ITPKB: variants seen among roughly 807,000 people sequenced by gnomAD.
ITPKB encodes the protein IP3 3-kinase B.
Under a neutral mutation model 69.4 loss-of-function variants are expected in ITPKB, and 13 were observed. The observed-to-expected ratio is 0.19, with a 90% CI of 0.12 to 0.30. The LOEUF (loss-of-function observed/expected upper bound fraction) is 0.30. Among genes scored for constraint, ITPKB ranks in the 10% least tolerant of loss-of-function variants. The pLI is 1.00. For missense variants in ITPKB, 1,240 were observed against 1,250.5 expected (o/e 0.99, Z 0.13); for synonymous variants, 584 against 513.7 (o/e 1.14, Z -1.85).
intron 2 of ITPKB, chr1:226,707,281 C>T (rs1402597340): frequency 6.1e-5 from 13 of 212,986 alleles, no homozygotes; most frequent in South Asian, 3.4e-4. Context: ...CCGCAACCTC[C>T]GCCTCTCAGG....
chr1:226,680,782 C>G (rs1656068825), intron 2 of ITPKB, among the ~76,000 whole-genome samples: 1 of 152,174 alleles, frequency 6.6e-6, no homozygotes, highest in South Asian at 2.1e-4. Flanking sequence ...CACCAGGATT[C>G]ATAAAGCCCT....
chr1:226,683,182 A>T (rs1281875233), intron 2 of ITPKB, among the ~76,000 whole-genome samples: 1 of 152,240 alleles, frequency 6.6e-6, no homozygotes. Flanking sequence ...CAACTGTCCC[A>T]AGGCAGAGAG....
intron 2 of ITPKB, among the ~76,000 whole-genome samples, chr1:226,727,996 T>C (rs1185907172): frequency 2.0e-5 from 3 of 152,138 alleles, no homozygotes. Context: ...GCAGTGAGCT[T>C]CACGAGGAAG....
intron 2 of ITPKB, among the ~76,000 whole-genome samples, chr1:226,668,373 C>T (rs1403013280): frequency 6.6e-6 from 1 of 152,218 alleles, no homozygotes; most frequent in Admixed American, 6.5e-5. Context: ...ATCAGTGGCA[C>T]TCACTTTGGG....
chr1:226,651,805 T>A (rs956207137), intron 2 of ITPKB, among the ~76,000 whole-genome samples: 2 of 151,482 alleles, frequency 1.3e-5, no homozygotes, highest in African/African-American at 4.9e-5. Flanking sequence ...AGGGTGGGGG[T>A]CTTCTGACAG....
At chr1:226,699,435 T>C (rs1656580398) in intron 2 of ITPKB, among the ~76,000 whole-genome samples, 1 of 152,250 alleles carries the variant, frequency 6.6e-6, no homozygotes, top group African/African-American at 2.4e-5. Context: ...GTCTGGGCTC[T>C]GAAGAACTGT....
chr1:226,694,127 T>C (rs778493258), intron 2 of ITPKB, among the ~76,000 whole-genome samples: 3 of 152,240 alleles, frequency 2.0e-5, no homozygotes, highest in Non-Finnish European at 4.4e-5. Flanking sequence ...ACTAAAAATA[T>C]ACATGTGTTC....
rs545609888 is a variant in ITPKB at position 226,676,748 on chromosome 1, G to A, written c.1933-27977C>T. Among the ~76,000 whole-genome samples the A allele has an allele frequency of 2.6e-5, 4 of 152,358 alleles. No individual in the cohort carries two copies. The South Asian group carries it at 6.2e-4, about 24-fold the overall frequency. On this transcript the variant is annotated intron_variant, in intron 2 of 7. Coordinates refer to ENST00000429204, the MANE Select transcript of ITPKB (RefSeq NM_002221.4). ...TACCACACCTTGACTTAAAAAGGAC[G>A]TAGGGTAACTGCCTGGAGGAATTCT...
intron 2 of ITPKB, among the ~76,000 whole-genome samples, chr1:226,722,528 G>A (rs1211490342): frequency 1.3e-5 from 2 of 152,146 alleles, no homozygotes; most frequent in East Asian, 1.9e-4. Context: ...CATCCCAGAC[G>A]CTGCTCCATA....
chr1:226,637,592 C>G lies in ITPKB; in HGVS notation c.2625+87G>C. ...CTGGCTGCACCACCCTGAAAATGCC[C>G]GATGCCCCGGGCTTCTGGAAGGAGA... On this transcript the variant is annotated intron_variant, in intron 7 of 7. Coordinates refer to ENST00000429204, the MANE Select transcript of ITPKB (RefSeq NM_002221.4). The surrounding 1 kb of genome is among the most constrained non-coding windows in gnomAD (Gnocchi z 4.3). 2 of 1,071,932 alleles carry G rather than the reference C, an allele frequency of 1.9e-6. No homozygotes were observed. Among genetic ancestry groups the G allele is most frequent in the Non-Finnish European group, 2.8e-6 (2 of 701,898 alleles). The allele number at this position is 1,071,932 out of a possible 1,614,324, so 66.4% of individuals were successfully genotyped here.
At chr1:226,713,597 A>C (rs1657027313) in intron 2 of ITPKB, among the ~76,000 whole-genome samples, 1 of 152,210 alleles carries the variant, frequency 6.6e-6, no homozygotes, top group Non-Finnish European at 1.5e-5. Flanking sequence ...TTGGTGTATA[A>C]GGAATTTGTT....
chr1:226,725,783 G>A (rs1657393242), intron 2 of ITPKB, among the ~76,000 whole-genome samples: 1 of 152,226 alleles, frequency 6.6e-6, no homozygotes, highest in Admixed American at 6.5e-5. Context: ...GGCCGAGATG[G>A]TCACACAGGC....
intron 2 of ITPKB, among the ~76,000 whole-genome samples, chr1:226,690,682 C>T (rs1416314327): frequency 6.6e-6 from 1 of 152,198 alleles, no homozygotes; most frequent in Non-Finnish European, 1.5e-5. Flanking sequence ...GACACAGTCG[C>T]ACACACTTCA....
chr1:226,731,984 A>G (rs1342552351), intron 2 of ITPKB, among the ~76,000 whole-genome samples: 4 of 151,978 alleles, frequency 2.6e-5, no homozygotes, highest in African/African-American at 9.7e-5. Flanking sequence ...CCCAAACTAA[A>G]ATTTTTACAC....
At chr1:226,654,377 G>A (rs973905244) in intron 2 of ITPKB, among the ~76,000 whole-genome samples, 1 of 152,134 alleles carries the variant, frequency 6.6e-6, no homozygotes, top group South Asian at 2.1e-4. Context: ...TGCTCCCCAC[G>A]TCACCTGGGA....
Position 226,735,546 on chromosome 1 carries a change from T to C in ITPKB, c.1913A>G (p.Asp638Gly), listed in dbSNP as rs1657719463. The C allele has an allele frequency of 6.5e-7, 1 of 1,531,812 alleles. No homozygotes were observed. The highest frequency in any genetic ancestry group is 1.4e-5 in the African/African-American group (1 of 72,396). 94.9% of individuals were successfully genotyped at this position (1,531,812 alleles called of 1,614,324 possible). ...DPNSAFLHTL[D>G]QQKPRVSKSW... Reference sequence around the variant, plus strand: ...ACTTACCACTCTAGGTTTCTGCTGGTCCAGGGTATGCAGGAAGGCTGAGTT... The same window carrying C: ...ACTTACCACTCTAGGTTTCTGCTGGCCCAGGGTATGCAGGAAGGCTGAGTT... Residue 638 changes from aspartate to glycine, a missense_variant, in exon 2 of 8, where the codon GAC (aspartate) becomes GGC (glycine). Around this residue, in one of 2 missense-constraint regions of ITPKB, gnomAD observed 992 missense variants for 853.8 expected, o/e 1.16. Coordinates refer to ENST00000429204, the MANE Select transcript of ITPKB (RefSeq NM_002221.4).
At chr1:226,684,938 C>T (rs751695700) in intron 2 of ITPKB, among the ~76,000 whole-genome samples, 2 of 152,186 alleles carry the variant, frequency 1.3e-5, no homozygotes, top group Non-Finnish European at 2.9e-5. Flanking sequence ...GTCAACATTC[C>T]CAGGGTGGCA....
rs373345228 is a variant in ITPKB at position 226,642,148 on chromosome 1, T to A, written c.2247-23A>T. ...GTCCTACGTGGGAGGGAAGGCGACA[T>A]GAGGGCCGAGGCCTGGGGCAGGGCT... On this transcript the variant is annotated intron_variant, in intron 4 of 7. Transcript: ENST00000429204. The surrounding 1 kb of genome is among the most constrained non-coding windows in gnomAD (Gnocchi z 6.4). 1 of 1,600,998 alleles carries A rather than the reference T, an allele frequency of 6.2e-7. No individual in the cohort carries two copies. The highest frequency in any genetic ancestry group is 8.5e-7 in the Non-Finnish European group (1 of 1,172,012).
chr1:226,702,182 G>C (rs1237312783), intron 2 of ITPKB, among the ~76,000 whole-genome samples: 2 of 152,096 alleles, frequency 1.3e-5, no homozygotes, highest in Non-Finnish European at 2.9e-5. Context: ...GATCACTTGA[G>C]GTCTAGAGTT....
Sources: allele counts gnomAD v4.1 joint callset (sites outside exome capture counted in the v4.1 genomes callset), GRCh38; gene constraint gnomAD v4.1.1; regional missense constraint gnomAD v4.1.1; non-coding constraint Gnocchi (gnomAD v3.1); transcripts MANE v1.5; gene names NCBI Gene and HGNC (gene_info 2026-07-23, HGNC 2026-07-21).